ACBD3: variants seen among roughly 807,000 people sequenced by gnomAD.
ACBD3 encodes Golgi resident protein GCP60.
ACBD3 carries 30 observed loss-of-function variants against 66.9 expected under a neutral mutation model. The ratio of observed to expected loss-of-function variants is 0.45; its 90% CI spans 0.34 to 0.61. ACBD3 has a LOEUF of 0.61. ACBD3 is among the 20% of genes least tolerant of loss of function. The pLI is 0.02. For synonymous variants in ACBD3, 278 were observed against 259.8 expected (o/e 1.07, Z -0.68); for missense variants, 544 against 664.5 (o/e 0.82, Z 1.99).
intron 3 of ACBD3, among the ~76,000 whole-genome samples, chr1:226,163,347 C>T (rs1369579569): frequency 2.0e-5 from 3 of 152,094 alleles, no homozygotes; most frequent in Non-Finnish European, 2.9e-5. Context: ...AAAATAAGAA[C>T]TTAAAAAGCA....
At chr1:226,158,699 T>C (rs149536467) in intron 5 of ACBD3, among the ~76,000 whole-genome samples, 2 of 152,220 alleles carry the variant, frequency 1.3e-5, no homozygotes, top group Non-Finnish European at 2.9e-5. Context: ...GGAGGAGGAA[T>C]AGCAATGTGC....
At chr1:226,158,336 T>C (rs1372291481) in intron 5 of ACBD3, among the ~76,000 whole-genome samples, 1 of 152,230 alleles carries the variant, frequency 6.6e-6, no homozygotes, top group Non-Finnish European at 1.5e-5. Flanking sequence ...TAAGTTAAAC[T>C]AAGCTACGTT....
chr1:226,184,843 G>A (rs1191888870), intron 1 of ACBD3, among the ~76,000 whole-genome samples: 2 of 149,498 alleles, frequency 1.3e-5, no homozygotes, highest in Non-Finnish European at 3.0e-5. Context: ...TCGTCGCCCA[G>A]GCTGGAGTAC....
chr1:226,184,366 T>C (rs1656244114), intron 1 of ACBD3, among the ~76,000 whole-genome samples: 1 of 152,234 alleles, frequency 6.6e-6, no homozygotes, highest in Non-Finnish European at 1.5e-5. Flanking sequence ...TTCTCCTTTT[T>C]AGTACCTGGA....
chr1:226,178,314 T>C (rs1656093601), intron 1 of ACBD3, among the ~76,000 whole-genome samples: 1 of 151,314 alleles, frequency 6.6e-6, no homozygotes. Flanking sequence ...CTCACACCTG[T>C]AATCCCAGCA....
chr1:226,160,900 G>A (rs1031274559), intron 4 of ACBD3, among the ~76,000 whole-genome samples: 1 of 152,222 alleles, frequency 6.6e-6, no homozygotes, highest in Non-Finnish European at 1.5e-5. Context: ...CTGGGAAACT[G>A]CAACTGGGTC....
At chr1:226,185,259 A>C (rs1255723050) in intron 1 of ACBD3, among the ~76,000 whole-genome samples, 1 of 152,234 alleles carries the variant, frequency 6.6e-6, no homozygotes, top group East Asian at 1.9e-4. Flanking sequence ...ATTGAATGTG[A>C]AATGATCAAA....
At chr1:226,160,807 A>G (rs1196522343) in intron 4 of ACBD3, among the ~76,000 whole-genome samples, 4 of 152,202 alleles carry the variant, frequency 2.6e-5, no homozygotes, top group Non-Finnish European at 5.9e-5. Flanking sequence ...TTACTGAGTA[A>G]GCAATAGTTG....
chr1:226,180,169 T>TC lies in ACBD3; in HGVS notation c.286+6220dup, dbSNP rs1381998371. ...CTGGGCAACAGAGCAAGACTCTGTC[T>TC]CCCAAAAAAAAAAAAAAAAAAGGAT... On this transcript the variant is annotated intron_variant, in intron 1 of 7. Transcript: ENST00000366812. Among the ~76,000 whole-genome samples the TC allele has an allele frequency of 0.016, 1,732 of 110,666 alleles. 86 individuals carry two copies. In the East Asian group the frequency reaches 0.2, roughly 13 times the overall value. 72.6% of individuals were successfully genotyped at this position (110,666 alleles called of 152,430 possible).
chr1:226,159,925 C>T (rs1328161314), intron 4 of ACBD3, among the ~76,000 whole-genome samples: 1 of 152,122 alleles, frequency 6.6e-6, no homozygotes, highest in Non-Finnish European at 1.5e-5. Flanking sequence ...AGAAGAATAG[C>T]TGGAAGATGT....
At chr1:226,177,814 C>T (rs1300239197) in intron 1 of ACBD3, among the ~76,000 whole-genome samples, 2 of 151,694 alleles carry the variant, frequency 1.3e-5, no homozygotes, top group African/African-American at 4.8e-5. Flanking sequence ...CACGATCTCA[C>T]TCACTGCAAC....
At chr1:226,151,251 T>C (rs1049665801) in intron 7 of ACBD3, among the ~76,000 whole-genome samples, 2 of 152,250 alleles carry the variant, frequency 1.3e-5, no homozygotes, top group African/African-American at 4.8e-5. Flanking sequence ...ACAAGCCACC[T>C]GAAAGGTCAG....
chr1:226,183,826 G>C (rs952931248), intron 1 of ACBD3, among the ~76,000 whole-genome samples: 2 of 146,344 alleles, frequency 1.4e-5, no homozygotes, highest in Non-Finnish European at 3.0e-5. Flanking sequence ...AGAGGTTGCA[G>C]TGAGCTGAGA....
In ACBD3 at chr1:226,146,066, C is replaced by T. The variant is rs2102770975; in HGVS notation, c.*544G>A. 1 of 153,130 alleles carries T rather than the reference C, an allele frequency of 6.5e-6. No homozygotes were observed. Among genetic ancestry groups the T allele is most frequent in the East Asian group, 1.9e-4 (1 of 5,192 alleles). The allele number at this position is 153,130 out of a possible 1,614,324, so 9.5% of individuals were successfully genotyped here. On this transcript the variant is annotated 3_prime_UTR_variant, in exon 8 of 8. Transcript: ENST00000366812. ...CTGAACTAAACAGCTGCACCCAAAGCAGAAACAATCTGGGTCATTCTGAAC... is the reference window on the plus strand; with the variant it reads ...CTGAACTAAACAGCTGCACCCAAAGTAGAAACAATCTGGGTCATTCTGAAC...
intron 2 of ACBD3, among the ~76,000 whole-genome samples, chr1:226,165,538 A>C (rs941095097): frequency 1.3e-5 from 2 of 152,160 alleles, no homozygotes; most frequent in African/African-American, 4.8e-5. Flanking sequence ...TTTTTGTCAC[A>C]ATTTTTTTTA....
intron 3 of ACBD3, among the ~76,000 whole-genome samples, chr1:226,162,614 T>G (rs146683110): frequency 0.011 from 1,691 of 152,178 alleles, 90 homozygotes; most frequent in Admixed American, 0.088. Flanking sequence ...TGGTATGGTG[T>G]TCAGGGAGCC....
At chr1:226,150,285 C>A (rs1659545625) in intron 7 of ACBD3, among the ~76,000 whole-genome samples, 1 of 152,104 alleles carries the variant, frequency 6.6e-6, no homozygotes, top group Non-Finnish European at 1.5e-5. Flanking sequence ...GTTGCCCAGA[C>A]TGGTCTTAAA....
At chr1:226,170,118 T>C (rs890968662) in intron 1 of ACBD3, among the ~76,000 whole-genome samples, 8 of 149,056 alleles carry the variant, frequency 5.4e-5, no homozygotes, top group Non-Finnish European at 1.0e-4. Context: ...AAAGATGTGG[T>C]GGGCCTGAGA....
Position 226,146,420 on chromosome 1 carries a change from CT to C in ACBD3, c.*189del. ...GGGCTGGATGAGTCTGAGGAATCTC[CT>C]TTAACCCCAAAGTATGAATGCTAAA... On this transcript the variant is annotated 3_prime_UTR_variant, in exon 8 of 8. Coordinates refer to ENST00000366812, the MANE Select transcript of ACBD3 (RefSeq NM_022735.4). 1 of 585,068 alleles carries C rather than the reference CT, an allele frequency of 1.7e-6. No individual in the cohort carries two copies. Among genetic ancestry groups the C allele is most frequent in the Non-Finnish European group, 3.0e-6 (1 of 333,022 alleles). 36.2% of individuals were successfully genotyped at this position (585,068 alleles called of 1,614,324 possible). A position where few individuals can be genotyped will look rare whatever the true frequency, so the allele number is the denominator to read the frequency against.
Sources: allele counts gnomAD v4.1 joint callset (sites outside exome capture counted in the v4.1 genomes callset), GRCh38; gene constraint gnomAD v4.1.1; transcripts MANE v1.5; gene names NCBI Gene and HGNC (gene_info 2026-07-23, HGNC 2026-07-21).